The following PCNX4 variants were observed in gnomAD, a reference collection of about 807,000 sequenced individuals.
PCNX4 encodes the protein pecanex 4.
A neutral mutation model predicts 107.2 loss-of-function variants in PCNX4; 103 were observed. The ratio of observed to expected loss-of-function variants is 0.96; its 90% CI spans 0.82 to 1.13. The LOEUF is 1.13. PCNX4 is among the 50% of genes most tolerant of loss of function. The pLI is 0.00. For synonymous variants in PCNX4, 541 were observed against 481.7 expected, an observed-to-expected ratio of 1.12 and a Z score of -1.61; for missense variants, 1,528 against 1,379.4, an observed-to-expected ratio of 1.11 and a Z score of -1.71.
At position 60,121,209 on chromosome 14, in the gene PCNX4, T is replaced by C; in HGVS notation, c.1956T>C (p.Pro652=). The C allele has an allele frequency of 6.4e-7, 1 of 1,570,688 alleles. No individual in the cohort carries two copies. Among genetic ancestry groups the C allele is most frequent in the African/African-American group, 1.4e-5 (1 of 72,836 alleles). ...AATTTGTTGTAGGTCTCCTCCTACC[T>C]GGATCTCATTACTTGGGCCGTTTTC... is the stretch of plus-strand genomic sequence containing the variant. The part of the protein sequence containing the change: ...MAAGSLGLLL[P]GSHYLGRFQD... Residue 652 remains proline (P), a synonymous_variant, in exon 8 of 11, where the codon CCT becomes CCC. Coordinates refer to ENST00000406854, the MANE Select transcript of PCNX4 (RefSeq NM_001330177.2).
Position 60,147,134 on chromosome 14 carries a change from G to A in PCNX4, c.*12913G>A, listed in dbSNP as rs113075019. The A allele has an allele frequency of 0.022, 3,300 of 152,314 alleles. 59 individuals carry two copies. Among genetic ancestry groups the A allele is most frequent in the South Asian group, 0.049 (237 of 4,822 alleles). The allele number at this position is 152,314 out of a possible 1,614,324, so 9.4% of individuals were successfully genotyped here. A position where few individuals can be genotyped will look rare whatever the true frequency, so the allele number is the denominator to read the frequency against. On this transcript the variant is annotated 3_prime_UTR_variant, in exon 11 of 11. Transcript: ENST00000406854. ...TATAGTCTCAGCTACTCAGGAGGCTGGGGTGGGAGGATTGCTTGAGCCTGG... is the reference window on the plus strand; with the variant it reads ...TATAGTCTCAGCTACTCAGGAGGCTAGGGTGGGAGGATTGCTTGAGCCTGG...
chr14:60,136,069 A>G lies in PCNX4; in HGVS notation c.*1848A>G, dbSNP rs150528357. ...TTCTCTTTCATTTACTTGTCAAATC[A>G]TTCCAATCTGGATCCCATCTCCATG... On this transcript the variant is annotated 3_prime_UTR_variant, in exon 11 of 11. Transcript: ENST00000406854. 0.016 allele frequency: 2,490 copies of G among 151,938 alleles called. 31 individuals are homozygous for G. Among genetic ancestry groups the G allele is most frequent in the Middle Eastern group, 0.034 (10 of 294 alleles). The allele number at this position is 151,938 out of a possible 1,614,324, so 9.4% of individuals were successfully genotyped here.
Position 60,135,697 on chromosome 14 carries a change from C to G in PCNX4, c.*1476C>G, listed in dbSNP as rs930510992. 2 of 152,150 alleles carry G rather than the reference C, an allele frequency of 1.3e-5. No individual in the cohort carries two copies. Among genetic ancestry groups the G allele is most frequent in the African/African-American group, 2.4e-5 (1 of 41,398 alleles). The allele number at this position is 152,150 out of a possible 1,614,324, so 9.4% of individuals were successfully genotyped here. ...CCTCCTGAGTAGCTGGGATTAAAGG[C>G]GCATGCCACCACGCCGGCTAATTTT... On this transcript the variant is annotated 3_prime_UTR_variant, in exon 11 of 11. Transcript: ENST00000406854.
rs1009153342 is a variant in PCNX4 at position 60,139,531 on chromosome 14, TCAGTAA to T, written c.*5314_*5319del. The stretch of plus-strand genomic sequence containing the variant: ...TCTGCATTCCCAGATTTTAATATAC[TCAGTAA>T]CAGAACAGCAGCCATGCAAAAATAC... On this transcript the variant is annotated 3_prime_UTR_variant, in exon 11 of 11. Transcript: ENST00000406854. 1.3e-5 allele frequency: 2 copies of T among 152,034 alleles called. No individual in the cohort carries two copies. The highest frequency in any genetic ancestry group is 2.9e-5 in the Non-Finnish European group (2 of 67,946). The allele number at this position is 152,034 out of a possible 1,614,324, so 9.4% of individuals were successfully genotyped here.
chr14:60,124,724 G>C lies in PCNX4; in HGVS notation c.2553G>C (p.Leu851Phe). 3 of 1,613,060 alleles carry C rather than the reference G, an allele frequency of 1.9e-6. No individual in the cohort carries two copies. Among genetic ancestry groups the C allele is most frequent in the Non-Finnish European group, 2.5e-6 (3 of 1,179,754 alleles). The change falls in exon 9 of 11, where the codon TTG (leucine) becomes TTC (phenylalanine). Residue 851 changes from leucine to phenylalanine, a missense_variant. Transcript: ENST00000406854. ...TGAAAGATTTGCCAGGTACAAATTT[G>C]TTTATTCCAGGATCAGTAGAATCAC... ...HQLKDLPGTN[L>F]FIPGSVESQR...
intron 4 of PCNX4, 24 bp from the exon 5 acceptor site, chr14:60,115,695 T>G: frequency 6.3e-7 from 1 of 1,585,666 alleles, no homozygotes; most frequent in Non-Finnish European, 8.6e-7. Flanking sequence ...TTAATTAAAT[T>G]TCTCTCTTTT....
intron 2 of PCNX4, chr14:60,109,244 C>T (rs1307754933): frequency 6.0e-6 from 1 of 167,010 alleles, no homozygotes; most frequent in Non-Finnish European, 1.5e-5. Flanking sequence ...GGTCTTTCGG[C>T]CTTCAGAAGT....
intron 9 of PCNX4, 108 bp downstream of exon 9, chr14:60,125,359 C>T (rs1896035450): frequency 2.5e-6 from 3 of 1,189,996 alleles, no homozygotes; most frequent in South Asian, 2.0e-5. Flanking sequence ...TTAAAATTTA[C>T]TTTCTTCAAA....
rs1459719740 is a variant in PCNX4, at chr14:60,146,205, G to T, written c.*11984G>T. ...CAAAGATGGTGGTAGGAAGAAAAAG[G>T]CTGTCATTTTTTTAGAAAAACCTAG... On this transcript the variant is annotated 3_prime_UTR_variant, in exon 11 of 11. Transcript: ENST00000406854. This position sits in a 1 kb window ranked among gnomAD's most constrained non-coding sequence, Gnocchi z 4.9. 6.6e-6 allele frequency: 1 copy of T among 151,806 alleles called. No homozygotes were observed. Among genetic ancestry groups the T allele is most frequent in the African/African-American group, 2.4e-5 (1 of 41,342 alleles). The allele number at this position is 151,806 out of a possible 1,614,324, so 9.4% of individuals were successfully genotyped here. A position where few individuals can be genotyped will look rare whatever the true frequency, so the allele number is the denominator to read the frequency against.
At chr14:60,104,050 G>T (rs1247666813) in intron 1 of PCNX4, among the ~76,000 whole-genome samples, 1 of 152,226 alleles carries the variant, frequency 6.6e-6, no homozygotes, top group African/African-American at 2.4e-5. Context: ...GCCTGGCGCA[G>T]TGGCTCACGC....
rs762623954 is a variant in PCNX4, at chr14:60,140,357, CTTTA to C, written c.*6140_*6143del. On this transcript the variant is annotated 3_prime_UTR_variant, in exon 11 of 11. Transcript: ENST00000406854. This position sits in a 1 kb window ranked among gnomAD's most constrained non-coding sequence, Gnocchi z 4.2. ...GCTAAAGAAGTGGAACCTATAGTTA[CTTTA>C]TTTGCTTTTCCATAGTGAAACAACA... The C allele has an allele frequency of 6.6e-6, 1 of 152,252 alleles. No homozygotes were observed. Among genetic ancestry groups the C allele is most frequent in the East Asian group, 1.9e-4 (1 of 5,184 alleles). The allele number at this position is 152,252 out of a possible 1,614,324, so 9.4% of individuals were successfully genotyped here. A position where few individuals can be genotyped will look rare whatever the true frequency, so the allele number is the denominator to read the frequency against.
rs1251523147 is a variant in PCNX4 at position 60,143,848 on chromosome 14, C to T, written c.*9627C>T. The T allele has an allele frequency of 6.6e-6, 1 of 152,230 alleles. No homozygotes were observed. Among genetic ancestry groups the T allele is most frequent in the Non-Finnish European group, 1.5e-5 (1 of 68,052 alleles). The allele number at this position is 152,230 out of a possible 1,614,324, so 9.4% of individuals were successfully genotyped here. A position where few individuals can be genotyped will look rare whatever the true frequency, so the allele number is the denominator to read the frequency against. On this transcript the variant is annotated 3_prime_UTR_variant, in exon 11 of 11. Coordinates refer to ENST00000406854, the MANE Select transcript of PCNX4 (RefSeq NM_001330177.2). ...CCATGTTTTTCTTTACCTGTTACTCCTGCTGATTTCCTATTAGTGCCTGTG... is the reference window on the plus strand; with the variant it reads ...CCATGTTTTTCTTTACCTGTTACTCTTGCTGATTTCCTATTAGTGCCTGTG...
In PCNX4 at chr14:60,091,994, G is replaced by A. The variant is rs1203887966; in HGVS notation, c.-479G>A. 2 of 152,400 alleles carry A rather than the reference G, an allele frequency of 1.3e-5. No individual in the cohort carries two copies. Among genetic ancestry groups the A allele is most frequent in the African/African-American group, 4.8e-5 (2 of 41,458 alleles). The allele number at this position is 152,400 out of a possible 1,614,324, so 9.4% of individuals were successfully genotyped here. A position where few individuals can be genotyped will look rare whatever the true frequency, so the allele number is the denominator to read the frequency against. ...CCCGCTGCTGCTTCTGCTAGGCCCA[G>A]TGCGAGACCAGAGCACGAGCGACTC... is the stretch of plus-strand genomic sequence containing the variant. On this transcript the variant is annotated 5_prime_UTR_variant, in exon 1 of 11. It adds an upstream start codon to the 5' untranslated region. Coordinates refer to ENST00000406854, the MANE Select transcript of PCNX4 (RefSeq NM_001330177.2).
chr14:60,092,830 C>A (rs1039087658), intron 1 of PCNX4, among the ~76,000 whole-genome samples: 1 of 152,248 alleles, frequency 6.6e-6, no homozygotes, highest in Non-Finnish European at 1.5e-5. Flanking sequence ...ATCTCGACCT[C>A]TGTCCCCACA....
Position 60,115,364 on chromosome 14 carries a change from C to G in PCNX4, c.1260C>G (p.Pro420=). The change falls in exon 4 of 11, where the codon CCC becomes CCG. Residue 420 remains proline, a synonymous_variant. Coordinates refer to ENST00000406854, the MANE Select transcript of PCNX4 (RefSeq NM_001330177.2). ...ATATCATTGGAATTTTCCGAAATCC[C>G]TTTTATCCGAAGGATGTGCAAACTG... The part of the protein sequence containing the change: ...SVYIIGIFRN[P]FYPKDVQTVT... The G allele has an allele frequency of 1.9e-6, 3 of 1,604,018 alleles. No individual in the cohort carries two copies. Among genetic ancestry groups the G allele is most frequent in the Middle Eastern group, 1.7e-4 (1 of 6,018 alleles).
intron 8 of PCNX4, 39 bp from the exon 9 acceptor site, chr14:60,124,179 A>C: frequency 6.9e-7 from 1 of 1,441,156 alleles, no homozygotes; most frequent in Non-Finnish European, 9.2e-7. Flanking sequence ...TTATGTAATA[A>C]ATGATTATAA....
chr14:60,125,052 A>G lies in PCNX4; in HGVS notation c.2881A>G (p.Ile961Val). ...EEKASNVLEE[I>V]AKDKVLKDFY... is the part of the protein sequence containing the mutation. Reference sequence around the variant, plus strand: ...GAAGGCCTCAAATGTACTGGAAGAAATTGCCAAGGACAAAGTTTTAAAAGA... The same window carrying G: ...GAAGGCCTCAAATGTACTGGAAGAAGTTGCCAAGGACAAAGTTTTAAAAGA... Residue 961 changes from isoleucine (I) to valine (V), a missense_variant, in exon 9 of 11, where the codon ATT (isoleucine) becomes GTT (valine). Coordinates refer to ENST00000406854, the MANE Select transcript of PCNX4 (RefSeq NM_001330177.2). 6.2e-7 allele frequency: 1 copy of G among 1,613,694 alleles called. No individual in the cohort carries two copies. Among genetic ancestry groups the G allele is most frequent in the Non-Finnish European group, 8.5e-7 (1 of 1,179,740 alleles).
chr14:60,129,024 C>G (rs1008726566), intron 10 of PCNX4, among the ~76,000 whole-genome samples: 2 of 150,928 alleles, frequency 1.3e-5, no homozygotes, highest in Non-Finnish European at 1.5e-5. Context: ...ACCAGCCTGG[C>G]CAACATGGTG....
chr14:60,122,910 G>T (rs1010941829), intron 8 of PCNX4, among the ~76,000 whole-genome samples: 1 of 152,134 alleles, frequency 6.6e-6, no homozygotes, highest in Non-Finnish European at 1.5e-5. Context: ...TTCTCAAAAT[G>T]CAGTGCCCTG....
Sources: gnomAD v4.1 joint callset for allele counts (sites outside exome capture counted in the v4.1 genomes callset) on GRCh38, gnomAD v4.1.1 for gene constraint, Gnocchi (gnomAD v3.1) non-coding constraint, MANE v1.5 for transcripts, NCBI Gene and HGNC (gene_info 2026-07-23, HGNC 2026-07-21) for gene names.